The following DOCK4 variants were observed in gnomAD, a reference collection of about 807,000 sequenced individuals.
The protein encoded by DOCK4 is dedicator of cytokinesis protein 4.
Under a neutral mutation model 268.1 loss-of-function variants are expected in DOCK4, and 97 were observed. The observed-to-expected ratio is 0.36, with a 90% CI of 0.31 to 0.43. DOCK4 has a LOEUF of 0.43. Among genes scored for constraint, DOCK4 ranks in the 20% least tolerant of loss-of-function variants. The pLI, the probability that DOCK4 is intolerant of heterozygous loss-of-function variation, is 1.00. For missense variants in DOCK4, 2,145 were observed against 2,455.7 expected (o/e 0.87, Z 2.67); for synonymous variants, 954 against 887.2 (o/e 1.08, Z -1.34).
intron 1 of DOCK4, among the ~76,000 whole-genome samples, chr7:112,038,837 A>C (rs1176367885): frequency 6.6e-6 from 1 of 152,250 alleles, no homozygotes; most frequent in Non-Finnish European, 1.5e-5. Context: ...CACCAACTGT[A>C]ATGTTTTGTG....
At chr7:112,053,583 G>A (rs956406590) in intron 1 of DOCK4, among the ~76,000 whole-genome samples, 1 of 152,158 alleles carries the variant, frequency 6.6e-6, no homozygotes, top group Admixed American at 6.5e-5. Context: ...CATAGTCATA[G>A]TTTTAAAAGG....
chr7:111,846,121 CAA>C (rs2134088011), intron 24 of DOCK4, among the ~76,000 whole-genome samples: 1 of 152,232 alleles, frequency 6.6e-6, no homozygotes, highest in African/African-American at 2.4e-5. Flanking sequence ...GCTCTATCTC[CAA>C]CAACTCCACT....
At chr7:112,137,050 T>G (rs1814422817) in intron 1 of DOCK4, among the ~76,000 whole-genome samples, 1 of 151,996 alleles carries the variant, frequency 6.6e-6, no homozygotes, top group African/African-American at 2.4e-5. Context: ...CCAACCACGT[T>G]TAGAATGCCA....
intron 26 of DOCK4, among the ~76,000 whole-genome samples, chr7:111,825,401 A>T (rs1368848981): frequency 6.6e-6 from 1 of 151,862 alleles, no homozygotes. Flanking sequence ...CACCCAAAAT[A>T]CAGTGGTATT....
At chr7:111,859,745 TTTTA>T (rs1805337603) in intron 23 of DOCK4, among the ~76,000 whole-genome samples, 1 of 151,636 alleles carries the variant, frequency 6.6e-6, no homozygotes, top group African/African-American at 2.4e-5. Flanking sequence ...TTTTTTGTAT[TTTTA>T]GTAGAGACGG....
intron 1 of DOCK4, among the ~76,000 whole-genome samples, chr7:112,060,617 C>A (rs1325503653): frequency 6.6e-6 from 1 of 152,106 alleles, no homozygotes; most frequent in Non-Finnish European, 1.5e-5. Flanking sequence ...GTACATAACA[C>A]ACACCAAATA....
chr7:112,026,238 T>C (rs1041952235), intron 1 of DOCK4, among the ~76,000 whole-genome samples: 5 of 152,256 alleles, frequency 3.3e-5, no homozygotes, highest in African/African-American at 1.2e-4. Flanking sequence ...CATTACTGCC[T>C]GAGCTCCGCC....
intron 35 of DOCK4, among the ~76,000 whole-genome samples, chr7:111,781,982 G>A (rs1174523199): frequency 1.3e-5 from 2 of 152,128 alleles, no homozygotes; most frequent in Non-Finnish European, 2.9e-5. Context: ...AGATGGCGAG[G>A]ATTCATTTAT....
At chr7:111,832,180 T>C (rs565482163) in intron 26 of DOCK4, among the ~76,000 whole-genome samples, 10 of 152,356 alleles carry the variant, frequency 6.6e-5, no homozygotes, top group Admixed American at 3.3e-4. Flanking sequence ...GATATTTTAA[T>C]AGAGAGGTCT....
intron 1 of DOCK4, among the ~76,000 whole-genome samples, chr7:112,175,689 GAAT>G (rs1396699764): frequency 2.0e-4 from 31 of 151,772 alleles, no homozygotes. Context: ...ATGATTATAA[GAAT>G]AAAAATGTTT....
rs374779384 is a variant in DOCK4, at chr7:112,128,460, C to T, written c.37+77642G>A. Reference sequence around the variant, plus strand: ...GAACGGGCCAGGATGACAATGGCGGCTTTGTGGAATAGAAAGGGGGGAAAG... The same window carrying T: ...GAACGGGCCAGGATGACAATGGCGGTTTTGTGGAATAGAAAGGGGGGAAAG... On this transcript the variant is annotated intron_variant, in intron 1 of 52. Coordinates refer to ENST00000428084, the MANE Select transcript of DOCK4 (RefSeq NM_001363540.2). 7.4e-3 allele frequency among the ~76,000 whole-genome samples: 1,130 copies of T among 152,190 alleles called. 5 individuals carry two copies. Among genetic ancestry groups the T allele is most frequent in the East Asian group, 0.023 (117 of 5,162 alleles).
chr7:111,825,341 C>T lies in DOCK4; in HGVS notation c.2836-2885G>A, dbSNP rs1273635849. ...TTATTCCAAACTCAGTTCCAATACT[C>T]GAAAGCAATATGACCTCAATGCTAG... On this transcript the variant is annotated intron_variant, in intron 26 of 52. Transcript: ENST00000428084. 3.9e-5 allele frequency among the ~76,000 whole-genome samples: 6 copies of T among 152,164 alleles called. No homozygotes were observed. The East Asian group carries it at 7.7e-4, about 20-fold the overall frequency.
At chr7:111,729,996 A>G (rs954913993) in intron 52 of DOCK4, among the ~76,000 whole-genome samples, 4 of 152,016 alleles carry the variant, frequency 2.6e-5, no homozygotes, top group African/African-American at 9.7e-5. Context: ...TCTGGCCACA[A>G]TGGCACACAT....
At position 111,782,738 on chromosome 7, in the gene DOCK4, T is replaced by C; in HGVS notation, c.3585+126A>G. On this transcript the variant is annotated intron_variant, in intron 35 of 52. Coordinates refer to ENST00000428084, the MANE Select transcript of DOCK4 (RefSeq NM_001363540.2). ...ACTATGCTTCTCTTAAAAACACTTGTAAATTTAAAAATAACTCTTCTAAGA... is the reference window on the plus strand; with the variant it reads ...ACTATGCTTCTCTTAAAAACACTTGCAAATTTAAAAATAACTCTTCTAAGA... 6 of 1,049,960 alleles carry C rather than the reference T, an allele frequency of 5.7e-6. No homozygotes were observed. The South Asian group carries it at 8.7e-5, about 15-fold the overall frequency. The allele number at this position is 1,049,960 out of a possible 1,614,324, so 65.0% of individuals were successfully genotyped here. A position where few individuals can be genotyped will look rare whatever the true frequency, so the allele number is the denominator to read the frequency against.
intron 1 of DOCK4, among the ~76,000 whole-genome samples, chr7:112,025,768 T>A (rs1358159029): frequency 6.6e-6 from 1 of 152,204 alleles, no homozygotes; most frequent in African/African-American, 2.4e-5. Flanking sequence ...TTGTAGTTCC[T>A]ATCACTCACA....
intron 17 of DOCK4, among the ~76,000 whole-genome samples, chr7:111,875,228 A>G (rs1806756443): frequency 6.6e-6 from 1 of 152,220 alleles, no homozygotes; most frequent in African/African-American, 2.4e-5. Flanking sequence ...CACTTTCCAC[A>G]TAGTGAGATG....
At chr7:112,042,535 C>T (rs138277821) in intron 1 of DOCK4, among the ~76,000 whole-genome samples, 1 of 152,182 alleles carries the variant, frequency 6.6e-6, no homozygotes, top group South Asian at 2.1e-4. Context: ...ATGAATGCCA[C>T]CACGAATGAC....
At chr7:112,174,587 T>G (rs1393017652) in intron 1 of DOCK4, among the ~76,000 whole-genome samples, 1 of 151,924 alleles carries the variant, frequency 6.6e-6, no homozygotes, top group African/African-American at 2.4e-5. Flanking sequence ...ATGAAAGAAA[T>G]CATGATTACA....
intron 12 of DOCK4, among the ~76,000 whole-genome samples, chr7:111,930,499 G>A (rs1316474683): frequency 1.3e-5 from 2 of 151,972 alleles, no homozygotes; most frequent in Non-Finnish European, 2.9e-5. Context: ...TCTTTTTTTA[G>A]TGCCAGTGAC....
Sources: allele counts gnomAD v4.1 joint callset (sites outside exome capture counted in the v4.1 genomes callset), GRCh38; gene constraint gnomAD v4.1.1; transcripts MANE v1.5; gene names NCBI Gene and HGNC (gene_info 2026-07-23, HGNC 2026-07-21).